Variants in INHBA observed in about 807,000 individuals in gnomAD.
The protein encoded by INHBA is inhibin beta A chain.
In INHBA, 1 loss-of-function variant was observed where a neutral mutation model predicts 29.0. The observed-to-expected ratio is 0.03, with a 90% confidence interval of 0.01 to 0.16. The LOEUF (loss-of-function observed/expected upper bound fraction) is 0.16. INHBA is among the 10% of genes least tolerant of loss of function. INHBA has a pLI of 1.00. For synonymous variants in INHBA, 242 were observed against 216.8 expected, an observed-to-expected ratio of 1.12 and a Z score of -1.02; for missense variants, 376 against 545.4, an observed-to-expected ratio of 0.69 and a Z score of 3.09.
At chr7:41,698,066 T>A (rs1247960964) in intron 2 of INHBA, among the ~76,000 whole-genome samples, 1 of 152,168 alleles carries the variant, frequency 6.6e-6, no homozygotes, top group African/African-American at 2.4e-5. Context: ...CAAAAGTCGC[T>A]CATTTTTTTT....
chr7:41,693,626 A>G (rs959466744), intron 2 of INHBA, among the ~76,000 whole-genome samples: 4 of 152,106 alleles, frequency 2.6e-5, no homozygotes, highest in Non-Finnish European at 4.4e-5. Context: ...TTCCTGAGAG[A>G]GGATTGTACA....
At chr7:41,695,196 A>C (rs1260503325) in intron 2 of INHBA, among the ~76,000 whole-genome samples, 1 of 152,232 alleles carries the variant, frequency 6.6e-6, no homozygotes, top group African/African-American at 2.4e-5. Flanking sequence ...CCTGCTTAAA[A>C]TATGTTGCTC....
In INHBA at chr7:41,700,118, G is replaced by A. The variant is rs749750926; in HGVS notation, c.257C>T (p.Ala86Val). 1.2e-6 allele frequency: 2 copies of A among 1,613,970 alleles called. No individual in the cohort carries two copies. The highest frequency in any genetic ancestry group is 1.7e-6 in the Non-Finnish European group (2 of 1,180,030). The change falls in exon 2 of 3, where the codon GCG becomes GTG. Residue 86 changes from alanine to valine, a missense_variant. Coordinates refer to ENST00000242208, the MANE Select transcript of INHBA (RefSeq NM_002192.4). ...QPVPKAALLNAIRKLHVGKVG... is the reference protein window; with the variant it reads ...QPVPKAALLNVIRKLHVGKVG... ...TTTGCCCACATGAAGCTTTCTGATCGCGTTCAGAAGCGCCGCCTTGGGTAC... is the reference window on the plus strand; with the variant it reads ...TTTGCCCACATGAAGCTTTCTGATCACGTTCAGAAGCGCCGCCTTGGGTAC...
chr7:41,704,400 G>A (rs561474118), upstream of INHBA, among the ~76,000 whole-genome samples: 14 of 152,192 alleles, frequency 9.2e-5, no homozygotes, highest in South Asian at 2.1e-3. Flanking sequence ...TCTGAGTGGC[G>A]AAGACAGAAA....
At chr7:41,701,723 G>A (rs1037345548) in intron 1 of INHBA, among the ~76,000 whole-genome samples, 1 of 152,114 alleles carries the variant, frequency 6.6e-6, no homozygotes. Flanking sequence ...GAGTGCACTC[G>A]TATGACTTGA....
In INHBA at chr7:41,702,715, G is replaced by A. The variant is rs2128672128; in HGVS notation, c.-144+290C>T. On this transcript the variant is annotated intron_variant, in intron 1 of 2. Coordinates refer to ENST00000242208, the MANE Select transcript of INHBA (RefSeq NM_002192.4). ...ACTTATCAATATTTGGATTCTCTCT[G>A]CATCTGAGTATGTGTGTGTTCCCTG... Among the ~76,000 whole-genome samples, 4 of 152,292 alleles carry A rather than the reference G, an allele frequency of 2.6e-5. No individual in the cohort carries two copies. The Middle Eastern group carries it at 0.014, about 518-fold the overall frequency.
upstream of INHBA, among the ~76,000 whole-genome samples, chr7:41,704,521 G>A (rs1161473278): frequency 6.6e-6 from 1 of 152,016 alleles, no homozygotes; most frequent in Admixed American, 6.6e-5. Flanking sequence ...AATTAGTGGA[G>A]TCAATGACCT....
At chr7:41,701,927 A>G (rs1794806348) in intron 1 of INHBA, among the ~76,000 whole-genome samples, 1 of 152,166 alleles carries the variant, frequency 6.6e-6, no homozygotes, top group African/African-American at 2.4e-5. Flanking sequence ...TGCACAGAAA[A>G]AGAAAAATGT....
intron 2 of INHBA, chr7:41,692,017 C>A (rs188882011): frequency 6.6e-6 from 1 of 152,190 alleles, no homozygotes; most frequent in South Asian, 2.1e-4. Context: ...CCACTCAGTT[C>A]CAGCCTAACT....
chr7:41,690,662 C>G, intron 2 of INHBA, 120 bp from the exon 3 acceptor site: 1 of 1,248,690 alleles, frequency 8.0e-7, no homozygotes, highest in Non-Finnish European at 1.1e-6. Context: ...GAATAGGGGT[C>G]AACAAATGAC....
chr7:41,695,794 C>T (rs1794633737), intron 2 of INHBA, among the ~76,000 whole-genome samples: 1 of 152,184 alleles, frequency 6.6e-6, no homozygotes, highest in Admixed American at 6.5e-5. Context: ...AGAACTTTGG[C>T]ACTTCTCATT....
chr7:41,703,782 C>CAA (rs1794849751), upstream of INHBA, among the ~76,000 whole-genome samples: 1 of 151,090 alleles, frequency 6.6e-6, no homozygotes, highest in African/African-American at 2.4e-5. Flanking sequence ...CACACACACA[C>CAA]ACACACACAC....
intron 2 of INHBA, among the ~76,000 whole-genome samples, chr7:41,696,105 A>C (rs898607348): frequency 1.3e-5 from 2 of 152,212 alleles, no homozygotes; most frequent in Non-Finnish European, 2.9e-5. Flanking sequence ...CAGAAGCCGA[A>C]CACCATGTTC....
chr7:41,704,587 A>C (rs1361768094), upstream of INHBA, among the ~76,000 whole-genome samples: 1 of 148,166 alleles, frequency 6.7e-6, no homozygotes, highest in Non-Finnish European at 1.5e-5. Context: ...TCCTGAAAAC[A>C]TCCCCTCCGC....
Position 41,700,041 on chromosome 7 carries a change from C to T in INHBA, c.334G>A (p.Glu112Lys). The T allele has an allele frequency of 6.3e-7, 1 of 1,591,890 alleles. No homozygotes were observed. The highest frequency in any genetic ancestry group is 8.5e-7 in the Non-Finnish European group (1 of 1,170,006). ...GTCTGCTCCATAAGTTCATTCATTTCTGCCCTCCTTCCAATGTCATCCTCT... is the reference window on the plus strand; with the variant it reads ...GTCTGCTCCATAAGTTCATTCATTTTTGCCCTCCTTCCAATGTCATCCTCT... ...EIEDDIGRRA[E>K]MNELMEQTSE... The change falls in exon 2 of 3, where the codon GAA becomes AAA. Residue 112 changes from glutamate (E) to lysine (K), a missense_variant. Around this residue, in one of 4 missense-constraint regions of INHBA, gnomAD observed 253 missense variants for 313.4 expected, o/e 0.81. Coordinates refer to ENST00000242208, the MANE Select transcript of INHBA (RefSeq NM_002192.4).
rs191980835 is a variant in INHBA, at chr7:41,689,424, T to C, written c.*226A>G. ...CCTTTCCCTCCCAATTCCTGTCTCTTTCACTGCTTCATCTCTGAGCCCTGG... is the reference window on the plus strand; with the variant it reads ...CCTTTCCCTCCCAATTCCTGTCTCTCTCACTGCTTCATCTCTGAGCCCTGG... On this transcript the variant is annotated 3_prime_UTR_variant, in exon 3 of 3. Coordinates refer to ENST00000242208, the MANE Select transcript of INHBA (RefSeq NM_002192.4). 2.1e-6 allele frequency: 1 copy of C among 484,864 alleles called. No homozygotes were observed. Among genetic ancestry groups the C allele is most frequent in the Admixed American group, 3.9e-5 (1 of 25,696 alleles). 30.0% of individuals were successfully genotyped at this position (484,864 alleles called of 1,614,324 possible). A position where few individuals can be genotyped will look rare whatever the true frequency, so the allele number is the denominator to read the frequency against.
chr7:41,693,543 CA>C (rs1177023002), intron 2 of INHBA, among the ~76,000 whole-genome samples: 1 of 152,174 alleles, frequency 6.6e-6, no homozygotes, highest in African/African-American at 2.4e-5. Flanking sequence ...TTCACAAGAG[CA>C]GGTTTCTGAT....
At chr7:41,696,765 G>T (rs1794659089) in intron 2 of INHBA, among the ~76,000 whole-genome samples, 1 of 152,178 alleles carries the variant, frequency 6.6e-6, no homozygotes, top group South Asian at 2.1e-4. Context: ...CTTTCTTGGG[G>T]TGGGGAAAAT....
intron 2 of INHBA, among the ~76,000 whole-genome samples, chr7:41,696,734 G>C (rs1794658710): frequency 6.6e-6 from 1 of 152,198 alleles, no homozygotes. Flanking sequence ...AATGGTGGGA[G>C]TCAGCTTCAT....
Sources: allele counts gnomAD v4.1 joint callset (sites outside exome capture counted in the v4.1 genomes callset), GRCh38; gene constraint gnomAD v4.1.1; regional missense constraint gnomAD v4.1.1; transcripts MANE v1.5; gene names NCBI Gene and HGNC (gene_info 2026-07-23, HGNC 2026-07-21).